The following TUBA4B variants were observed in gnomAD, a reference collection of about 807,000 sequenced individuals.
TUBA4B encodes tubulin-like protein alpha-4B.
A neutral mutation model predicts 18.4 loss-of-function variants in TUBA4B; 13 were observed. That is an observed-to-expected ratio of 0.71 (90% CI 0.46 to 1.12). The LOEUF (loss-of-function observed/expected upper bound fraction) is 1.12, where lower values mean the gene tolerates loss of function less well. Among genes scored for constraint, TUBA4B ranks in the 50% most tolerant of loss-of-function variants. The pLI is 0.00. For missense variants in TUBA4B, 244 were observed against 250.0 expected, an observed-to-expected ratio of 0.98 and a Z score of 0.16; for synonymous variants, 101 against 99.1, an observed-to-expected ratio of 1.02 and a Z score of -0.11.
Position 219,253,382 on chromosome 2 carries a change from G to C in TUBA4B, c.-26G>C, listed in dbSNP as rs886525782. ...GGGGGGGGTGGTTCTGTGGATAGTTGGAATGCATACACAGAGGAAAGGGGG... is the reference window on the plus strand; with the variant it reads ...GGGGGGGGTGGTTCTGTGGATAGTTCGAATGCATACACAGAGGAAAGGGGG... On this transcript the variant is annotated 5_prime_UTR_variant, in exon 1 of 4. Coordinates refer to ENST00000490341, the MANE Select transcript of TUBA4B (RefSeq NM_001355221.1). The C allele has an allele frequency of 6.5e-7, 1 of 1,535,338 alleles. No homozygotes were observed. Among genetic ancestry groups the C allele is most frequent in the East Asian group, 2.4e-5 (1 of 40,882 alleles).
intron 1 of TUBA4B, chr2:219,254,216 T>C (rs1951696880): frequency 4.3e-6 from 1 of 235,084 alleles, no homozygotes; most frequent in African/African-American, 2.2e-5. Flanking sequence ...AGGGCGAGTC[T>C]CACCTGCACC....
rs1559282851 is a variant in TUBA4B at position 219,271,840 on chromosome 2, T to C, written c.*141T>C. On this transcript the variant is annotated 3_prime_UTR_variant, in exon 4 of 4. Transcript: ENST00000490341. ...GTTTGTGGACTGGTGCCCCACAGGC[T>C]TTAAGGTTGATATCAATCACCAGCC... 3 of 1,558,538 alleles carry C rather than the reference T, an allele frequency of 1.9e-6. No individual in the cohort carries two copies. The highest frequency in any genetic ancestry group is 2.7e-6 in the Non-Finnish European group (3 of 1,129,722).
intron 3 of TUBA4B, 40 bp from the exon 4 acceptor site, chr2:219,271,126 T>G (rs1239893220): frequency 4.2e-6 from 3 of 708,908 alleles, no homozygotes; most frequent in Middle Eastern, 2.4e-4. Flanking sequence ...CCATCAGCTG[T>G]GCTCCATGCC....
At chr2:219,257,068 T>C (rs9752096) in intron 1 of TUBA4B, among the ~76,000 whole-genome samples, 8,238 of 110,280 alleles carry the variant, frequency 0.075, 613 homozygotes, top group African/African-American at 0.2. Flanking sequence ...TTTTTTAAGA[T>C]GGAGTCTCAC....
At chr2:219,260,802 G>A (rs556469501) in intron 1 of TUBA4B, among the ~76,000 whole-genome samples, 21 of 152,182 alleles carry the variant, frequency 1.4e-4, no homozygotes, top group Non-Finnish European at 1.3e-4. Context: ...GTGAAACGCC[G>A]TCTCTACTAA....
Position 219,271,336 on chromosome 2 carries a change from C to T in TUBA4B, c.363C>T (p.Val121=). 1.2e-6 allele frequency: 2 copies of T among 1,612,762 alleles called. No homozygotes were observed. Among genetic ancestry groups the T allele is most frequent in the South Asian group, 2.2e-5 (2 of 91,036 alleles). Residue 121 remains valine (V), a synonymous_variant, in exon 4 of 4, where the codon GTC becomes GTT. Coordinates refer to ENST00000490341, the MANE Select transcript of TUBA4B (RefSeq NM_001355221.1). ...YPAPQVSTAM[V]QPYNSILTTH... is the part of the protein sequence containing the mutation. The stretch of plus-strand genomic sequence containing the variant: ...CCCCCCAGGTGTCTACAGCCATGGT[C>T]CAGCCCTACAACTCTATCCTGACCA...
At chr2:219,268,756 A>G (rs150913558) in intron 2 of TUBA4B, among the ~76,000 whole-genome samples, 258 of 152,352 alleles carry the variant, frequency 1.7e-3, no homozygotes, top group Non-Finnish European at 2.8e-3. Flanking sequence ...AGTCATCCTC[A>G]TTAAACAATT....
At chr2:219,255,557 A>G (rs1559278676) in intron 1 of TUBA4B, among the ~76,000 whole-genome samples, 1 of 151,928 alleles carries the variant, frequency 6.6e-6, no homozygotes, top group Non-Finnish European at 1.5e-5. Flanking sequence ...TTTAGTAGAG[A>G]CAAGGTCTCG....
At chr2:219,265,118 C>T (rs533321513) in intron 1 of TUBA4B, among the ~76,000 whole-genome samples, 1 of 152,222 alleles carries the variant, frequency 6.6e-6, no homozygotes, top group Non-Finnish European at 1.5e-5. Context: ...GAGATAAAGA[C>T]CGAGGAGGGG....
intron 2 of TUBA4B, 70 bp downstream of exon 2, chr2:219,266,636 G>C (rs1327887021): frequency 1.4e-6 from 1 of 697,652 alleles, no homozygotes. Context: ...GATATCTGGC[G>C]TGAAGGTACC....
At chr2:219,259,670 A>G (rs980906972) in intron 1 of TUBA4B, among the ~76,000 whole-genome samples, 3 of 151,906 alleles carry the variant, frequency 2.0e-5, no homozygotes, top group Admixed American at 1.3e-4. Flanking sequence ...TATCATCTCC[A>G]TCTTTTCTGA....
intron 2 of TUBA4B, among the ~76,000 whole-genome samples, chr2:219,266,963 C>A (rs1951794087): frequency 1.3e-5 from 2 of 152,140 alleles, no homozygotes; most frequent in South Asian, 4.1e-4. Flanking sequence ...GCTCTGATCC[C>A]ACCTTCCCAC....
chr2:219,260,972 A>T (rs868208106), intron 1 of TUBA4B, among the ~76,000 whole-genome samples: 16 of 151,984 alleles, frequency 1.1e-4, no homozygotes, highest in Admixed American at 2.0e-4. Context: ...TTCATCTAAA[A>T]AAATAAATAA....
intron 1 of TUBA4B, among the ~76,000 whole-genome samples, chr2:219,263,820 T>C (rs1951773268): frequency 6.6e-6 from 1 of 152,252 alleles, no homozygotes; most frequent in African/African-American, 2.4e-5. Context: ...CTTGAGATCA[T>C]TCCCTAGCTT....
chr2:219,258,191 A>G (rs1158977632), intron 1 of TUBA4B, among the ~76,000 whole-genome samples: 2 of 151,014 alleles, frequency 1.3e-5, no homozygotes, highest in African/African-American at 2.4e-5. Context: ...GGATTTCACC[A>G]TGTTGGACAG....
In TUBA4B at chr2:219,270,201, G is replaced by A. The variant is rs773571498; in HGVS notation, c.59-1G>A. On this transcript the variant is annotated splice_acceptor_variant, in intron 2 of 3. Transcript: ENST00000490341. LOFTEE classifies it high-confidence loss of function. ...GCCCACTGCAGATGAACTTTGAACAGGCACATACCGCCAGATCTTCCATCC... is the reference window on the plus strand; with the variant it reads ...GCCCACTGCAGATGAACTTTGAACAAGCACATACCGCCAGATCTTCCATCC... 1.5e-4 allele frequency: 110 copies of A among 746,062 alleles called. 1 individual carries two copies. Among genetic ancestry groups the A allele is most frequent in the South Asian group, 7.5e-4 (53 of 70,812 alleles). 46.2% of individuals were successfully genotyped at this position (746,062 alleles called of 1,614,324 possible).
Position 219,266,515 on chromosome 2 carries a change from C to T in TUBA4B, c.13-6C>T. On this transcript the variant is annotated splice_polypyrimidine_tract_variant and splice_region_variant and intron_variant, in intron 1 of 3. Transcript: ENST00000490341. Reference sequence around the variant, plus strand: ...CACAGATCTATCCCTGCTCACTATCCTGCAGCAGACAGAGAGACAAGACCC... The same window carrying T: ...CACAGATCTATCCCTGCTCACTATCTTGCAGCAGACAGAGAGACAAGACCC... 1 of 703,008 alleles carries T rather than the reference C, an allele frequency of 1.4e-6. No homozygotes were observed. The highest frequency in any genetic ancestry group is 2.6e-6 in the Non-Finnish European group (1 of 384,980). 43.5% of individuals were successfully genotyped at this position (703,008 alleles called of 1,614,324 possible). A position where few individuals can be genotyped will look rare whatever the true frequency, so the allele number is the denominator to read the frequency against.
intron 3 of TUBA4B, 22 bp downstream of exon 3, chr2:219,270,357 G>C (rs1230791279): frequency 1.4e-6 from 1 of 712,322 alleles, no homozygotes; most frequent in South Asian, 1.5e-5. Flanking sequence ...ACTGAGGGCT[G>C]GGGCAGGGGG....
intron 2 of TUBA4B, among the ~76,000 whole-genome samples, chr2:219,269,931 C>T (rs1376947124): frequency 6.6e-6 from 1 of 152,170 alleles, no homozygotes; most frequent in Non-Finnish European, 1.5e-5. Flanking sequence ...TGTGGTATAG[C>T]TTCCCAGGTG....
Sources: gnomAD v4.1 joint callset for allele counts (sites outside exome capture counted in the v4.1 genomes callset) on GRCh38, gnomAD v4.1.1 for gene constraint, MANE v1.5 for transcripts, NCBI Gene and HGNC (gene_info 2026-07-23, HGNC 2026-07-21) for gene names.